CAMK1D: variants seen among roughly 807,000 people sequenced by gnomAD.
CAMK1D encodes calcium/calmodulin-dependent protein kinase type 1D.
In CAMK1D, 9 loss-of-function variants were observed where a neutral mutation model predicts 47.7. The observed-to-expected ratio is 0.19, with a 90% confidence interval of 0.11 to 0.33. The LOEUF is 0.33. Among genes scored for constraint, CAMK1D ranks in the 10% least tolerant of loss-of-function variants. CAMK1D has a pLI of 1.00. For missense variants in CAMK1D, 291 were observed against 488.7 expected (o/e 0.60, Z 3.81); for synonymous variants, 184 against 184.9 (o/e 0.99, Z 0.04).
At chr10:12,539,529 G>A (rs1236697608) in intron 1 of CAMK1D, among the ~76,000 whole-genome samples, 1 of 152,202 alleles carries the variant, frequency 6.6e-6, no homozygotes, top group Non-Finnish European at 1.5e-5. Context: ...GAGCTATGCG[G>A]CTGGCATTGG....
At chr10:12,500,109 T>C (rs1233741859) in intron 1 of CAMK1D, among the ~76,000 whole-genome samples, 2 of 151,976 alleles carry the variant, frequency 1.3e-5, no homozygotes, top group African/African-American at 4.8e-5. Context: ...CTACTAAAAA[T>C]ACAAAAATTA....
intron 1 of CAMK1D, among the ~76,000 whole-genome samples, chr10:12,515,414 T>C (rs963515965): frequency 5.7e-5 from 4 of 69,888 alleles, no homozygotes; most frequent in Non-Finnish European, 9.0e-5. Context: ...TTTTTTTTTT[T>C]TTTCTTTTTT....
chr10:12,644,874 A>G (rs547195541), intron 2 of CAMK1D, among the ~76,000 whole-genome samples: 34 of 152,346 alleles, frequency 2.2e-4, no homozygotes, highest in African/African-American at 7.9e-4. Flanking sequence ...ATCTCCAAAG[A>G]AAGTAGAAAT....
chr10:12,436,703 A>T (rs976739064), intron 1 of CAMK1D, among the ~76,000 whole-genome samples: 1 of 152,180 alleles, frequency 6.6e-6, no homozygotes, highest in African/African-American at 2.4e-5. Context: ...CTGTGTGGGC[A>T]TGCTGGCATG....
rs1840008201 is a variant in CAMK1D at position 12,420,345 on chromosome 10, C to T, written c.92+70435C>T. Reference sequence around the variant, plus strand: ...GTAGTAGTAGTCCTTTTCATATTACCCTTGATGGTCCACTTCAAATGAATG... The same window carrying T: ...GTAGTAGTAGTCCTTTTCATATTACTCTTGATGGTCCACTTCAAATGAATG... On this transcript the variant is annotated intron_variant, in intron 1 of 10. Coordinates refer to ENST00000619168, the MANE Select transcript of CAMK1D (RefSeq NM_153498.4). 2.0e-5 allele frequency among the ~76,000 whole-genome samples: 3 copies of T among 152,116 alleles called. No individual in the cohort carries two copies. The South Asian group carries it at 6.2e-4, about 32-fold the overall frequency.
At chr10:12,538,010 C>G (rs1314789811) in intron 1 of CAMK1D, among the ~76,000 whole-genome samples, 2 of 152,134 alleles carry the variant, frequency 1.3e-5, no homozygotes, top group African/African-American at 4.8e-5. Context: ...GATGCCGTAT[C>G]AAATGCTAGG....
intron 3 of CAMK1D, among the ~76,000 whole-genome samples, chr10:12,729,130 T>C (rs899046554): frequency 6.6e-6 from 1 of 152,182 alleles, no homozygotes; most frequent in East Asian, 1.9e-4. Context: ...ATTCCAAGAA[T>C]AAAGGAGCTT....
intron 3 of CAMK1D, among the ~76,000 whole-genome samples, chr10:12,696,711 A>T (rs535236803): frequency 6.6e-6 from 1 of 152,236 alleles, no homozygotes; most frequent in Admixed American, 6.5e-5. Flanking sequence ...GCAATTCTTG[A>T]TGTTCTTCTT....
At chr10:12,722,955 G>A (rs533546000) in intron 3 of CAMK1D, among the ~76,000 whole-genome samples, 4 of 152,238 alleles carry the variant, frequency 2.6e-5, no homozygotes, top group South Asian at 2.1e-4. Flanking sequence ...CGGTGCTCTC[G>A]GGGCAGGTGG....
chr10:12,513,385 T>C (rs1835096970), intron 1 of CAMK1D, among the ~76,000 whole-genome samples: 1 of 152,210 alleles, frequency 6.6e-6, no homozygotes, highest in Non-Finnish European at 1.5e-5. Context: ...AGCCTTTCAG[T>C]GCTGAACCTG....
chr10:12,564,141 C>CTG (rs1409673219), intron 2 of CAMK1D, among the ~76,000 whole-genome samples: 1 of 95,248 alleles, frequency 1.0e-5, no homozygotes, highest in African/African-American at 3.7e-5. Context: ...CTCTCTCTCT[C>CTG]TCTCTGTCTC....
intron 1 of CAMK1D, among the ~76,000 whole-genome samples, chr10:12,402,588 A>G (rs1047948673): frequency 1.3e-5 from 2 of 152,174 alleles, no homozygotes; most frequent in African/African-American, 4.8e-5. Context: ...TGTGTTTGAA[A>G]GACCACTTTG....
At chr10:12,794,799 G>C (rs1838125445) in intron 6 of CAMK1D, among the ~76,000 whole-genome samples, 1 of 152,120 alleles carries the variant, frequency 6.6e-6, no homozygotes, top group Admixed American at 6.5e-5. Context: ...AAGATGTTCA[G>C]ACTCCTATGG....
intron 8 of CAMK1D, among the ~76,000 whole-genome samples, 162 bp from the exon 9 acceptor site, chr10:12,824,302 AT>A (rs1833119971): frequency 6.6e-6 from 1 of 152,134 alleles, no homozygotes; most frequent in African/African-American, 2.4e-5. Context: ...GGTTTAGGGA[AT>A]GGCCAGGTGA....
chr10:12,835,278 A>G lies in CAMK1D; in HGVS notation c.*6391A>G, dbSNP rs1013117196. 3 of 152,336 alleles carry G rather than the reference A, an allele frequency of 2.0e-5. No homozygotes were observed. The highest frequency in any genetic ancestry group is 1.9e-4 in the East Asian group (1 of 5,188). 9.4% of individuals were successfully genotyped at this position (152,336 alleles called of 1,614,324 possible). ...AACCAGGAATGTCCCCGCATCTACTATTACCAGGCTTGCAATTGGTTCAAT... is the reference window on the plus strand; with the variant it reads ...AACCAGGAATGTCCCCGCATCTACTGTTACCAGGCTTGCAATTGGTTCAAT... On this transcript the variant is annotated 3_prime_UTR_variant, in exon 11 of 11. Transcript: ENST00000619168.
intron 1 of CAMK1D, among the ~76,000 whole-genome samples, chr10:12,393,902 A>G (rs1279003204): frequency 6.6e-6 from 1 of 152,126 alleles, no homozygotes; most frequent in African/African-American, 2.4e-5. Context: ...GCAGTTCTCC[A>G]GTTCTTGGAC....
rs368269309 is a variant in CAMK1D, at chr10:12,617,769, A to G, written c.225-48967A>G. Among the ~76,000 whole-genome samples, 5 of 152,268 alleles carry G rather than the reference A, an allele frequency of 3.3e-5. No homozygotes were observed. The South Asian group carries it at 6.2e-4, about 19-fold the overall frequency. ...CCAGTGATAAAAATATTGAACAGTCACAAAAGACATAAATGAGGTGGGGAG... is the reference window on the plus strand; with the variant it reads ...CCAGTGATAAAAATATTGAACAGTCGCAAAAGACATAAATGAGGTGGGGAG... On this transcript the variant is annotated intron_variant, in intron 2 of 10. Coordinates refer to ENST00000619168, the MANE Select transcript of CAMK1D (RefSeq NM_153498.4).
intron 1 of CAMK1D, among the ~76,000 whole-genome samples, chr10:12,448,567 G>A (rs1832989629): frequency 6.6e-6 from 1 of 152,074 alleles, no homozygotes; most frequent in Non-Finnish European, 1.5e-5. Context: ...GAGATACTAC[G>A]GACTTCTTGC....
In CAMK1D at chr10:12,830,084, A is replaced by T. The variant is rs1833392367; in HGVS notation, c.*1197A>T. ...TGCAGGACCCTCCCTTGCAAAAGGA[A>T]CCAGCTGCCATGTTGCTGAAAGTGG... is the stretch of plus-strand genomic sequence containing the variant. On this transcript the variant is annotated 3_prime_UTR_variant, in exon 11 of 11. Transcript: ENST00000619168. 2 of 152,184 alleles carry T rather than the reference A, an allele frequency of 1.3e-5. No individual in the cohort carries two copies. The highest frequency in any genetic ancestry group is 4.1e-4 in the South Asian group (2 of 4,828). The allele number at this position is 152,184 out of a possible 1,614,324, so 9.4% of individuals were successfully genotyped here. A position where few individuals can be genotyped will look rare whatever the true frequency, so the allele number is the denominator to read the frequency against.
Sources: allele counts gnomAD v4.1 joint callset (sites outside exome capture counted in the v4.1 genomes callset), GRCh38; gene constraint gnomAD v4.1.1; transcripts MANE v1.5; gene names NCBI Gene and HGNC (gene_info 2026-07-23, HGNC 2026-07-21).